The following HELB variants were observed in gnomAD, a reference collection of about 807,000 sequenced individuals.
HELB encodes DNA helicase B, also known as DNA 5'-3' helicase B.
Under a neutral mutation model 101.7 loss-of-function variants are expected in HELB, and 96 were observed. The observed-to-expected ratio is 0.94, with a 90% CI of 0.80 to 1.12. The LOEUF is 1.12. Among genes scored for constraint, HELB ranks in the 50% most tolerant of loss-of-function variants. The pLI, the probability that HELB is intolerant of heterozygous loss-of-function variation, is 0.00. For missense variants in HELB, 1,210 were observed against 1,291.9 expected (o/e 0.94, Z 0.97); for synonymous variants, 437 against 459.7 (o/e 0.95, Z 0.63).
Position 66,338,005 on chromosome 12 carries a change from G to A in HELB, c.3167G>A (p.Gly1056Glu), listed in dbSNP as rs772954417. The change falls in exon 13 of 13, where the codon GGA becomes GAA. Residue 1056 changes from glycine (G) to glutamate (E), a missense_variant. By Grantham distance (98) the Gly-to-Glu change is moderately conservative. Transcript: ENST00000247815. ...DESPSKIFMVGESPQVSSRLQ... is the reference protein window; with the variant it reads ...DESPSKIFMVEESPQVSSRLQ... ...TTATTTTAATTGTTCTAACAGGTGGGAGAATCTCCACAAGTGTCTTCCAGA... is the reference window on the plus strand; with the variant it reads ...TTATTTTAATTGTTCTAACAGGTGGAAGAATCTCCACAAGTGTCTTCCAGA... 4.5e-6 allele frequency: 7 copies of A among 1,565,486 alleles called. No homozygotes were observed. Among genetic ancestry groups the A allele is most frequent in the Non-Finnish European group, 4.4e-6 (5 of 1,138,676 alleles).
intron 7 of HELB, among the ~76,000 whole-genome samples, chr12:66,319,904 CT>C (rs546186965): frequency 1.8e-3 from 256 of 146,142 alleles, no homozygotes; most frequent in Non-Finnish European, 3.2e-3. Context: ...ATTGTAGAAA[CT>C]TTTTTTTTCT....
chr12:66,305,011 C>A lies in HELB; in HGVS notation c.468C>A (p.Asn156Lys). The A allele has an allele frequency of 6.2e-7, 1 of 1,613,774 alleles. No individual in the cohort carries two copies. Among genetic ancestry groups the A allele is most frequent in the Non-Finnish European group, 8.5e-7 (1 of 1,179,954 alleles). Residue 156 changes from asparagine to lysine, a missense_variant, in exon 2 of 13, where the codon AAC (asparagine) becomes AAA (lysine). This residue lies in a region of HELB where 470 missense variants were observed against 563.1 expected (regional missense o/e 0.83). Coordinates refer to ENST00000247815, the MANE Select transcript of HELB (RefSeq NM_001370285.1). Reference sequence around the variant, plus strand: ...TAAAGGAGGTATCAAACTACAAAAACCTAAACTTTGAAAATCTTAGGGAAA... The same window carrying A: ...TAAAGGAGGTATCAAACTACAAAAAACTAAACTTTGAAAATCTTAGGGAAA... ...TWVKEVSNYKNLNFENLRETL... is the reference protein window; with the variant it reads ...TWVKEVSNYKKLNFENLRETL...
chr12:66,315,668 A>G (rs1451199591), intron 6 of HELB, among the ~76,000 whole-genome samples: 2 of 152,228 alleles, frequency 1.3e-5, no homozygotes, highest in African/African-American at 4.8e-5. Context: ...GGACTAGAAT[A>G]AGCCCAAGGG....
Position 66,305,080 on chromosome 12 carries a change from G to A in HELB, c.537G>A (p.Lys179=). The change falls in exon 2 of 13, where the codon AAG becomes AAA. Residue 179 remains lysine, a synonymous_variant. Coordinates refer to ENST00000247815, the MANE Select transcript of HELB (RefSeq NM_001370285.1). ...FHKETGRKDQ[K]QPTQNGQEEL... is the part of the protein sequence containing the mutation. ...AGGAAACTGGAAGGAAAGATCAAAA[G>A]CAGCCTACACAGAATGGTCAGGAAG... 8 of 1,610,748 alleles carry A rather than the reference G, an allele frequency of 5.0e-6. No homozygotes were observed. Among genetic ancestry groups the A allele is most frequent in the Non-Finnish European group, 6.8e-6 (8 of 1,178,810 alleles).
chr12:66,306,649 C>A, intron 3 of HELB, 135 bp downstream of exon 3: 1 of 470,708 alleles, frequency 2.1e-6, no homozygotes, highest in Non-Finnish European at 3.7e-6. Context: ...TCAAATGTTG[C>A]AACTGTACAT....
At chr12:66,335,864 C>T (rs890661926) in intron 12 of HELB, among the ~76,000 whole-genome samples, 2 of 152,176 alleles carry the variant, frequency 1.3e-5, no homozygotes, top group African/African-American at 4.8e-5. Context: ...CACCTCATGC[C>T]ATCCTCTCTC....
At position 66,310,597 on chromosome 12, in the gene HELB, A is replaced by G. The variant is rs747088876; in HGVS notation, c.1669A>G (p.Thr557Ala). The G allele has an allele frequency of 1.2e-6, 2 of 1,609,854 alleles. No individual in the cohort carries two copies. Among genetic ancestry groups the G allele is most frequent in the East Asian group, 4.5e-5 (2 of 44,862 alleles). Reference sequence around the variant, plus strand: ...ACAGAAAACTGGTCTTCATGCCTACACACTGTGTCAGGTAAAACCTTTGAC... The same window carrying G: ...ACAGAAAACTGGTCTTCATGCCTACGCACTGTGTCAGGTAAAACCTTTGAC... ...LRQKTGLHAY[T>A]LCQVNYSFYS... The change falls in exon 4 of 13, where the codon ACA (threonine) becomes GCA (alanine). Residue 557 changes from threonine (T) to alanine (A), a missense_variant. Around this residue, in one of 2 missense-constraint regions of HELB, gnomAD observed 740 missense variants for 728.8 expected, o/e 1.02. Transcript: ENST00000247815.
chr12:66,330,240 G>A (rs1355195266), intron 11 of HELB, among the ~76,000 whole-genome samples: 3 of 152,138 alleles, frequency 2.0e-5, no homozygotes, highest in South Asian at 2.1e-4. Context: ...CAGTTACACG[G>A]TGATATTGAG....
intron 7 of HELB, among the ~76,000 whole-genome samples, chr12:66,321,223 C>T (rs1025877813): frequency 6.6e-6 from 1 of 152,108 alleles, no homozygotes; most frequent in Non-Finnish European, 1.5e-5. Context: ...TTTTCACATT[C>T]ATAATATGGA....
Position 66,302,780 on chromosome 12 carries a change from G to C in HELB, c.177G>C (p.Gly59=), listed in dbSNP as rs771722939. The C allele has an allele frequency of 1.9e-6, 3 of 1,609,170 alleles. No homozygotes were observed. The highest frequency in any genetic ancestry group is 1.1e-5 in the South Asian group (1 of 90,734). The change falls in exon 1 of 13, where the codon GGG becomes GGC. Residue 59 remains glycine, a synonymous_variant. Coordinates refer to ENST00000247815, the MANE Select transcript of HELB (RefSeq NM_001370285.1). Reference sequence around the variant, plus strand: ...GCGTAAAGGCTGGCAGCCTCCCCGGGTGCCTCCGCGGTGAGGAAGGCGTCT... The same window carrying C: ...GCGTAAAGGCTGGCAGCCTCCCCGGCTGCCTCCGCGGTGAGGAAGGCGTCT... The part of the protein sequence containing the change: ...SGGVKAGSLP[G]CLRVSICDEN...
chr12:66,336,923 G>T lies in HELB; in HGVS notation c.3163-1078G>T, dbSNP rs570237171. ...GGTTTAGTGGATGATGATGGTTAGGGAGAGAGTAGGGAATGAGTTCTCAGC... is the reference window on the plus strand; with the variant it reads ...GGTTTAGTGGATGATGATGGTTAGGTAGAGAGTAGGGAATGAGTTCTCAGC... On this transcript the variant is annotated intron_variant, in intron 12 of 12. Transcript: ENST00000247815. Among the ~76,000 whole-genome samples, 19 of 152,292 alleles carry T rather than the reference G, an allele frequency of 1.2e-4. No individual in the cohort carries two copies. The South Asian group carries it at 3.5e-3, about 28-fold the overall frequency.
At chr12:66,315,553 G>GT (rs1254504544) in intron 6 of HELB, among the ~76,000 whole-genome samples, 170 bp downstream of exon 6, 6 of 152,104 alleles carry the variant, frequency 3.9e-5, no homozygotes, top group African/African-American at 1.4e-4. Context: ...CAAAGTTAAT[G>GT]TTTTTCATTA....
chr12:66,318,248 A>G (rs1454464764), intron 6 of HELB, among the ~76,000 whole-genome samples: 1 of 152,194 alleles, frequency 6.6e-6, no homozygotes, highest in East Asian at 1.9e-4. Flanking sequence ...GCAACCCACT[A>G]TACTTGACTA....
Position 66,338,044 on chromosome 12 carries a change from G to A in HELB, c.3206G>A (p.Arg1069Lys), listed in dbSNP as rs961388545. Residue 1069 changes from arginine (R) to lysine (K), a missense_variant, in exon 13 of 13, where the codon AGA becomes AAA. Arg to Lys is a conservative substitution (Grantham distance 26). Coordinates refer to ENST00000247815, the MANE Select transcript of HELB (RefSeq NM_001370285.1). Reference sequence around the variant, plus strand: ...GTGTCTTCCAGACTTCAGAATTTGAGACTGAATAATTTAATTCCCAGGCAA... The same window carrying A: ...GTGTCTTCCAGACTTCAGAATTTGAAACTGAATAATTTAATTCCCAGGCAA... ...PQVSSRLQNL[R>K]LNNLIPRQLF... 3 of 1,606,150 alleles carry A rather than the reference G, an allele frequency of 1.9e-6. No individual in the cohort carries two copies. Among genetic ancestry groups the A allele is most frequent in the East Asian group, 2.2e-5 (1 of 44,824 alleles).
At chr12:66,338,777 G>A (rs1257844764), downstream of HELB, 4 of 152,252 alleles carry the variant, frequency 2.6e-5, no homozygotes, top group Admixed American at 2.6e-4. Context: ...TGAAGCAGTG[G>A]CAAAGAAAAG....
rs138445701 is a variant in HELB at position 66,331,426 on chromosome 12, G to C, written c.2943G>C (p.Pro981=). The C allele has an allele frequency of 6.2e-7, 1 of 1,614,172 alleles. No homozygotes were observed. The highest frequency in any genetic ancestry group is 1.1e-5 in the South Asian group (1 of 91,088). ...SSGDSGGPST[P]SASPLPVVTD... ...GAGACAGTGGAGGACCCAGCACACC[G>C]TCAGCATCTCCACTCCCTGTAGTCA... The change falls in exon 12 of 13, where the codon CCG becomes CCC. Residue 981 remains proline (P), a synonymous_variant. Coordinates refer to ENST00000247815, the MANE Select transcript of HELB (RefSeq NM_001370285.1).
chr12:66,333,377 G>T (rs2053830432), intron 12 of HELB, among the ~76,000 whole-genome samples: 1 of 152,112 alleles, frequency 6.6e-6, no homozygotes, highest in African/African-American at 2.4e-5. Flanking sequence ...GAAAGGGAAT[G>T]ATTTTATTCA....
intron 7 of HELB, among the ~76,000 whole-genome samples, chr12:66,321,132 T>C (rs1011959211): frequency 3.3e-5 from 5 of 152,166 alleles, no homozygotes; most frequent in African/African-American, 1.2e-4. Flanking sequence ...TCACAAGGCA[T>C]GGGCTTTTTC....
chr12:66,312,693 A>C (rs919433945), intron 4 of HELB, among the ~76,000 whole-genome samples: 4 of 152,208 alleles, frequency 2.6e-5, no homozygotes, highest in Non-Finnish European at 4.4e-5. Flanking sequence ...TTCTGAAGCT[A>C]TGTTTAGGCT....
Sources: allele counts gnomAD v4.1 joint callset (sites outside exome capture counted in the v4.1 genomes callset), GRCh38; gene constraint gnomAD v4.1.1; regional missense constraint gnomAD v4.1.1; transcripts MANE v1.5; gene names NCBI Gene and HGNC (gene_info 2026-07-23, HGNC 2026-07-21).